Variants in RIN3 observed in about 807,000 individuals in gnomAD.
The protein encoded by RIN3 is RAB5 interacting protein 3.
Under a neutral mutation model 76.3 loss-of-function variants are expected in RIN3, and 54 were observed. That is an observed-to-expected ratio of 0.71 (90% CI 0.57 to 0.89). The LOEUF is 0.89. RIN3 is among the 40% of genes least tolerant of loss of function. The probability of loss-of-function intolerance (pLI) is 0.00; values close to 1 mark genes in which losing one functional copy is unlikely to be tolerated. For missense variants in RIN3, 1,256 were observed against 1,322.1 expected (o/e 0.95, Z 0.78); for synonymous variants, 576 against 564.0 (o/e 1.02, Z -0.30).
At chr14:92,574,078 G>T (rs1206508814) in intron 2 of RIN3, among the ~76,000 whole-genome samples, 1 of 152,194 alleles carries the variant, frequency 6.6e-6, no homozygotes, top group African/African-American at 2.4e-5. Flanking sequence ...AATACCTGAG[G>T]TTTGTTTCCT....
At chr14:92,672,883 A>G (rs1430071573) in intron 7 of RIN3, among the ~76,000 whole-genome samples, 1 of 152,108 alleles carries the variant, frequency 6.6e-6, no homozygotes, top group Non-Finnish European at 1.5e-5. Flanking sequence ...GGGTTTGCTT[A>G]TTCTGGACGT....
chr14:92,531,144 G>T (rs939598414), intron 1 of RIN3, among the ~76,000 whole-genome samples: 1 of 152,118 alleles, frequency 6.6e-6, no homozygotes, highest in Non-Finnish European at 1.5e-5. Context: ...AAATAGCACC[G>T]ATGGGGTGGC....
intron 2 of RIN3, among the ~76,000 whole-genome samples, chr14:92,567,267 A>G (rs2140047818): frequency 6.6e-6 from 1 of 152,346 alleles, no homozygotes; most frequent in East Asian, 1.9e-4. Flanking sequence ...TGGCTATACC[A>G]TTACCTACTT....
At chr14:92,629,599 C>T (rs1448011764) in intron 4 of RIN3, among the ~76,000 whole-genome samples, 1 of 152,214 alleles carries the variant, frequency 6.6e-6, no homozygotes, top group Non-Finnish European at 1.5e-5. Context: ...CCTTACGTTC[C>T]CTGCCTCCAG....
intron 7 of RIN3, among the ~76,000 whole-genome samples, chr14:92,671,130 A>G (rs1210822019): frequency 6.6e-6 from 1 of 152,194 alleles, no homozygotes; most frequent in African/African-American, 2.4e-5. Context: ...AGAGAGGCTC[A>G]GAGAGGGTTA....
chr14:92,633,581 G>A (rs1210992199), intron 4 of RIN3, among the ~76,000 whole-genome samples: 1 of 152,216 alleles, frequency 6.6e-6, no homozygotes, highest in Admixed American at 6.5e-5. Flanking sequence ...TGAAGTGGGG[G>A]CAGTCTTGGG....
chr14:92,616,277 T>G (rs1237427382), intron 4 of RIN3, among the ~76,000 whole-genome samples: 1 of 152,054 alleles, frequency 6.6e-6, no homozygotes, highest in Admixed American at 6.6e-5. Context: ...GAAAGTACAC[T>G]CCACACGGTG....
At chr14:92,649,428 A>T (rs140774790) in intron 5 of RIN3, among the ~76,000 whole-genome samples, 1 of 151,132 alleles carries the variant, frequency 6.6e-6, no homozygotes, top group Non-Finnish European at 1.5e-5. Flanking sequence ...TGCTTCAAAC[A>T]CTCACTCCAG....
intron 2 of RIN3, among the ~76,000 whole-genome samples, chr14:92,570,775 A>G (rs996357208): frequency 6.6e-6 from 1 of 152,216 alleles, no homozygotes; most frequent in Non-Finnish European, 1.5e-5. Context: ...CAAGGCCAGC[A>G]TTGAAGGTGA....
chr14:92,520,255 C>T (rs1453696396), intron 1 of RIN3, among the ~76,000 whole-genome samples: 3 of 152,252 alleles, frequency 2.0e-5, no homozygotes, highest in African/African-American at 4.8e-5. Context: ...CACACTCAGG[C>T]CACATCCTAT....
At chr14:92,549,194 G>C (rs1897355409) in intron 1 of RIN3, among the ~76,000 whole-genome samples, 1 of 152,206 alleles carries the variant, frequency 6.6e-6, no homozygotes, top group Non-Finnish European at 1.5e-5. Flanking sequence ...GAAGCTGGGA[G>C]GCCACGCTGC....
At chr14:92,636,808 G>C (rs1172449130) in intron 4 of RIN3, among the ~76,000 whole-genome samples, 1 of 152,202 alleles carries the variant, frequency 6.6e-6, no homozygotes, top group African/African-American at 2.4e-5. Flanking sequence ...CCAGCACTTT[G>C]GGAGAAGGAG....
In RIN3 at chr14:92,681,325, C is replaced by T. The variant is rs1019638884; in HGVS notation, c.2468-3662C>T. On this transcript the variant is annotated intron_variant, in intron 8 of 9. Coordinates refer to ENST00000216487, the MANE Select transcript of RIN3 (RefSeq NM_024832.5). This position sits in a 1 kb window ranked among gnomAD's most constrained non-coding sequence, Gnocchi z 4.7. ...AGAGAGAGAGGCCTCACGAAGAAGT[C>T]AGACTCCAGCACCAAGAGTGCAGCA... Among the ~76,000 whole-genome samples, 2 of 69,780 alleles carry T rather than the reference C, an allele frequency of 2.9e-5. No homozygotes were observed. The highest frequency in any genetic ancestry group is 5.5e-5 in the African/African-American group (1 of 18,058). The allele number at this position is 69,780 out of a possible 152,430, so 45.8% of individuals were successfully genotyped here.
In RIN3 at chr14:92,688,872, G is replaced by A. The variant is rs947296391; in HGVS notation, c.*620G>A. 6.5e-6 allele frequency: 1 copy of A among 153,330 alleles called. No individual in the cohort carries two copies. Among genetic ancestry groups the A allele is most frequent in the African/African-American group, 2.4e-5 (1 of 41,424 alleles). The allele number at this position is 153,330 out of a possible 1,614,324, so 9.5% of individuals were successfully genotyped here. A position where few individuals can be genotyped will look rare whatever the true frequency, so the allele number is the denominator to read the frequency against. On this transcript the variant is annotated 3_prime_UTR_variant, in exon 10 of 10. Transcript: ENST00000216487. ...AGCACGGCCAGCTCCGCGGACCCAT[G>A]GACAAGCCCAGCCCCGCCTCAGGGA...
intron 3 of RIN3, among the ~76,000 whole-genome samples, chr14:92,580,789 G>A (rs1436174094): frequency 6.6e-6 from 1 of 152,222 alleles, no homozygotes; most frequent in East Asian, 1.9e-4. Flanking sequence ...TTCCTGCCAA[G>A]GCCTAGGAGT....
At chr14:92,620,828 A>G (rs184864070) in intron 4 of RIN3, among the ~76,000 whole-genome samples, 8 of 152,326 alleles carry the variant, frequency 5.3e-5, no homozygotes, top group Non-Finnish European at 7.3e-5. Context: ...AAGTTCGCCA[A>G]TATTTTCATA....
intron 2 of RIN3, among the ~76,000 whole-genome samples, chr14:92,560,395 G>A (rs113560459): frequency 7.7e-4 from 117 of 152,114 alleles, no homozygotes; most frequent in African/African-American, 2.7e-3. Flanking sequence ...CTGCCTTTAC[G>A]CCCCACTCCT....
At chr14:92,595,118 G>A (rs115895885) in intron 3 of RIN3, among the ~76,000 whole-genome samples, 2,862 of 152,258 alleles carry the variant, frequency 0.019, 90 homozygotes, top group African/African-American at 0.065. Context: ...ATGTTAAGGC[G>A]GTGTCTGTGT....
chr14:92,522,121 A>G (rs182396336), intron 1 of RIN3, among the ~76,000 whole-genome samples: 283 of 152,278 alleles, frequency 1.9e-3, no homozygotes, highest in Non-Finnish European at 3.0e-3. Context: ...GACTTTTACC[A>G]TGGTGGTGAA....
Sources: gnomAD v4.1 joint callset for allele counts (sites outside exome capture counted in the v4.1 genomes callset) on GRCh38, gnomAD v4.1.1 for gene constraint, Gnocchi (gnomAD v3.1) non-coding constraint, MANE v1.5 for transcripts, NCBI Gene and HGNC (gene_info 2026-07-23, HGNC 2026-07-21) for gene names.